KCNAB1: variants seen among roughly 807,000 people sequenced by gnomAD.
KCNAB1 encodes the protein potassium voltage-gated channel subfamily A regulatory beta subunit 1, also known as voltage-gated potassium channel subunit beta-1.
KCNAB1 carries 35 observed loss-of-function variants against 64.6 expected under a neutral mutation model. That is an observed-to-expected ratio of 0.54 (90% CI 0.41 to 0.72). The LOEUF (loss-of-function observed/expected upper bound fraction) is 0.72, where lower values mean the gene tolerates loss of function less well. Among genes scored for constraint, KCNAB1 ranks in the 30% least tolerant of loss-of-function variants. The pLI is 0.00. For synonymous variants in KCNAB1, 177 were observed against 183.8 expected, an observed-to-expected ratio of 0.96 and a Z score of 0.30; for missense variants, 401 against 512.9, an observed-to-expected ratio of 0.78 and a Z score of 2.11.
chr3:156,146,698 G>A (rs989247470), intron 1 of KCNAB1, among the ~76,000 whole-genome samples: 2 of 152,304 alleles, frequency 1.3e-5, no homozygotes, highest in East Asian at 1.9e-4. Flanking sequence ...TTGATGATAT[G>A]CAAATGAGTG....
At chr3:156,162,755 A>G (rs1180407668) in intron 1 of KCNAB1, among the ~76,000 whole-genome samples, 1 of 152,162 alleles carries the variant, frequency 6.6e-6, no homozygotes, top group Non-Finnish European at 1.5e-5. Flanking sequence ...ACCCTGGGAC[A>G]GCCTGGGGAG....
intron 8 of KCNAB1, among the ~76,000 whole-genome samples, chr3:156,489,466 A>G (rs1043345461): frequency 6.6e-6 from 1 of 152,162 alleles, no homozygotes; most frequent in African/African-American, 2.4e-5. Context: ...AACATTGTCT[A>G]TTGGTGTTAA....
At position 156,168,957 on chromosome 3, in the gene KCNAB1, C is replaced by T. The variant is rs187488642; in HGVS notation, c.275+48071C>T. 1.9e-3 allele frequency among the ~76,000 whole-genome samples: 286 copies of T among 152,286 alleles called. 1 individual carries two copies. The highest frequency in any genetic ancestry group is 6.6e-3 in the African/African-American group (276 of 41,552). On this transcript the variant is annotated intron_variant, in intron 1 of 13. Transcript: ENST00000490337. The stretch of plus-strand genomic sequence containing the variant: ...CCTCCATGACTCTGATGAAGATGTT[C>T]TTTCAGCTGTAATTTCTTTTCCAGT...
chr3:156,305,678 T>A (rs535405729), intron 1 of KCNAB1, among the ~76,000 whole-genome samples: 2 of 152,344 alleles, frequency 1.3e-5, no homozygotes, highest in South Asian at 4.1e-4. Flanking sequence ...CCCAGCCTTG[T>A]TCCAGAAAAG....
At chr3:156,435,873 A>C (rs1271934492) in intron 2 of KCNAB1, among the ~76,000 whole-genome samples, 1 of 152,146 alleles carries the variant, frequency 6.6e-6, no homozygotes, top group East Asian at 1.9e-4. Flanking sequence ...TTTTTACCCC[A>C]TCAACATTTT....
intron 1 of KCNAB1, among the ~76,000 whole-genome samples, chr3:156,350,569 A>G (rs1724792793): frequency 6.6e-6 from 1 of 152,158 alleles, no homozygotes; most frequent in Non-Finnish European, 1.5e-5. Flanking sequence ...CCAAAAAAGA[A>G]GTGCTCTGAA....
chr3:156,402,811 A>G (rs1398201205), intron 1 of KCNAB1, among the ~76,000 whole-genome samples: 1 of 152,238 alleles, frequency 6.6e-6, no homozygotes, highest in African/African-American at 2.4e-5. Flanking sequence ...ATTATTCTCT[A>G]AATTCCTTTG....
chr3:156,170,487 G>A (rs756358897), intron 1 of KCNAB1, among the ~76,000 whole-genome samples: 1 of 152,114 alleles, frequency 6.6e-6, no homozygotes, highest in Non-Finnish European at 1.5e-5. Context: ...CATCCTGGCC[G>A]TGCTCCAGAA....
At chr3:156,423,922 A>G (rs893277809) in intron 2 of KCNAB1, among the ~76,000 whole-genome samples, 5 of 152,202 alleles carry the variant, frequency 3.3e-5, no homozygotes, top group Non-Finnish European at 7.3e-5. Context: ...TTGTTGAAGC[A>G]AAAACATTAG....
Position 156,183,506 on chromosome 3 carries a change from G to T in KCNAB1, c.275+62620G>T, listed in dbSNP as rs370973613. 2.0e-4 allele frequency among the ~76,000 whole-genome samples: 31 copies of T among 152,338 alleles called. 2 individuals carry two copies. Among genetic ancestry groups the T allele is most frequent in the Admixed American group, 1.8e-3 (27 of 15,304 alleles). ...GTATAAAACTGGCAGTGCATGGTTTGTGTGCTGTTCAGAGAACCCCTGAAC... is the reference window on the plus strand; with the variant it reads ...GTATAAAACTGGCAGTGCATGGTTTTTGTGCTGTTCAGAGAACCCCTGAAC... On this transcript the variant is annotated intron_variant, in intron 1 of 13. Transcript: ENST00000490337.
intron 13 of KCNAB1, among the ~76,000 whole-genome samples, chr3:156,532,508 T>G (rs1257059869): frequency 6.6e-6 from 1 of 152,206 alleles, no homozygotes; most frequent in African/African-American, 2.4e-5. Flanking sequence ...TACCTGTCCC[T>G]GCAACAAGCA....
chr3:156,463,889 T>G (rs753083953), intron 6 of KCNAB1, 143 bp downstream of exon 6: 1 of 581,222 alleles, frequency 1.7e-6, no homozygotes, highest in Middle Eastern at 4.3e-4. Context: ...TTTCTCACAC[T>G]AAGGAAATAG....
intron 1 of KCNAB1, among the ~76,000 whole-genome samples, chr3:156,150,704 G>A (rs1196308550): frequency 6.6e-6 from 1 of 152,162 alleles, no homozygotes; most frequent in African/African-American, 2.4e-5. Flanking sequence ...CTCTTCTGTT[G>A]CCTGAAACGC....
intron 1 of KCNAB1, among the ~76,000 whole-genome samples, chr3:156,407,577 ATATGGT>A (rs1034593000): frequency 9.2e-5 from 14 of 152,304 alleles, no homozygotes; most frequent in African/African-American, 3.4e-4. Context: ...AACCTTTGAG[ATATGGT>A]CTTTTAAAGT....
intron 1 of KCNAB1, among the ~76,000 whole-genome samples, chr3:156,284,321 C>T (rs939007807): frequency 2.3e-4 from 35 of 151,956 alleles, no homozygotes; most frequent in African/African-American, 7.5e-4. Context: ...GCAGTCTGCC[C>T]GTTCTCAGAT....
chr3:156,249,179 A>G (rs1717656897), intron 1 of KCNAB1, among the ~76,000 whole-genome samples: 1 of 152,126 alleles, frequency 6.6e-6, no homozygotes, highest in Non-Finnish European at 1.5e-5. Context: ...GGATGATACT[A>G]TTTGGATGGA....
intron 1 of KCNAB1, among the ~76,000 whole-genome samples, chr3:156,407,858 G>T (rs1159565228): frequency 6.6e-6 from 1 of 152,174 alleles, no homozygotes; most frequent in Non-Finnish European, 1.5e-5. Flanking sequence ...TTTCAAAACT[G>T]CAAAACAGGA....
At chr3:156,278,172 A>G (rs1719458760) in intron 1 of KCNAB1, among the ~76,000 whole-genome samples, 1 of 152,226 alleles carries the variant, frequency 6.6e-6, no homozygotes. Context: ...AGATGTTATG[A>G]GATAAAGAGA....
intron 2 of KCNAB1, among the ~76,000 whole-genome samples, chr3:156,425,978 A>G (rs1411108564): frequency 1.3e-5 from 2 of 152,114 alleles, no homozygotes; most frequent in East Asian, 3.9e-4. Context: ...CGGCGACTCC[A>G]GAGGGAGACT....
Sources: gnomAD v4.1 joint callset for allele counts (sites outside exome capture counted in the v4.1 genomes callset) on GRCh38, gnomAD v4.1.1 for gene constraint, MANE v1.5 for transcripts, NCBI Gene and HGNC (gene_info 2026-07-23, HGNC 2026-07-21) for gene names.